Variants in GAREM1 observed in about 807,000 individuals in gnomAD.
GAREM1 encodes GRB2-associated and regulator of MAPK protein 1.
GAREM1 carries 26 observed loss-of-function variants against 71.3 expected under a neutral mutation model. That is an observed-to-expected ratio of 0.36 (90% CI 0.27 to 0.51). GAREM1 has a LOEUF of 0.51. GAREM1 is among the 20% of genes least tolerant of loss of function. The probability of loss-of-function intolerance (pLI) is 0.95; values close to 1 mark genes in which losing one functional copy is unlikely to be tolerated. For missense variants in GAREM1, 1,026 were observed against 1,103.1 expected (o/e 0.93, Z 0.99); for synonymous variants, 440 against 433.2 (o/e 1.02, Z -0.20).
intron 1 of GAREM1, chr18:32,413,221 G>A (rs2048437493): frequency 6.9e-6 from 11 of 1,605,788 alleles, no homozygotes; most frequent in Admixed American, 5.0e-5. Context: ...CTTCGGCGGC[G>A]TCCACGGGCA....
At chr18:32,403,706 G>T (rs1027088560) in intron 1 of GAREM1, among the ~76,000 whole-genome samples, 2 of 152,154 alleles carry the variant, frequency 1.3e-5, no homozygotes, top group Non-Finnish European at 2.9e-5. Context: ...CTCCCAAAGT[G>T]CTGGGATTAC....
At chr18:32,400,672 C>A (rs1178914819) in intron 1 of GAREM1, among the ~76,000 whole-genome samples, 1 of 152,128 alleles carries the variant, frequency 6.6e-6, no homozygotes, top group Non-Finnish European at 1.5e-5. Flanking sequence ...AGTCAGGAAA[C>A]AACAGGTGCT....
intron 1 of GAREM1, among the ~76,000 whole-genome samples, chr18:32,457,466 C>T: frequency 6.6e-6 from 1 of 151,988 alleles, no homozygotes; most frequent in East Asian, 1.9e-4. Flanking sequence ...AAGAAACTCT[C>T]CTCTGATAAC....
At position 32,450,314 on chromosome 18, in the gene GAREM1, T is replaced by C. The variant is rs77160595; in HGVS notation, c.121+19994A>G. Among the ~76,000 whole-genome samples the C allele has an allele frequency of 4.6e-5, 7 of 152,304 alleles. No individual in the cohort carries two copies. In the East Asian group the frequency reaches 1.4e-3, roughly 29 times the overall value. ...TAAGGGTACCTTTTAAATCCCTAAA[T>C]GCAAGTCAGCAATTCTGGAGTTTAA... On this transcript the variant is annotated intron_variant, in intron 1 of 5. Transcript: ENST00000269209.
chr18:32,379,722 G>A (rs539550640), intron 2 of GAREM1, among the ~76,000 whole-genome samples: 2 of 151,228 alleles, frequency 1.3e-5, no homozygotes, highest in Non-Finnish European at 1.5e-5. Context: ...AAAAAAAATC[G>A]TTGGGAATGG....
chr18:32,375,349 T>A (rs1485913147), intron 2 of GAREM1, among the ~76,000 whole-genome samples: 1 of 152,176 alleles, frequency 6.6e-6, no homozygotes, highest in South Asian at 2.1e-4. Context: ...TTGGTGAGGC[T>A]GTAAAACCTA....
chr18:32,337,531 G>A (rs1370751985), intron 2 of GAREM1, among the ~76,000 whole-genome samples: 3 of 152,132 alleles, frequency 2.0e-5, no homozygotes, highest in African/African-American at 4.8e-5. Context: ...TGAGGCTTAC[G>A]GCTTCCCATC....
At position 32,434,967 on chromosome 18, in the gene GAREM1, T is replaced by C. The variant is rs941851672; in HGVS notation, c.121+35341A>G. 5.1e-4 allele frequency among the ~76,000 whole-genome samples: 78 copies of C among 152,172 alleles called. 1 individual carries two copies. Among genetic ancestry groups the C allele is most frequent in the East Asian group, 1.9e-4 (1 of 5,200 alleles). Reference sequence around the variant, plus strand: ...TTAACATCACCAGTAATGAGCTATATTGACATCACGTATCCCTAACACAAT... The same window carrying C: ...TTAACATCACCAGTAATGAGCTATACTGACATCACGTATCCCTAACACAAT... On this transcript the variant is annotated intron_variant, in intron 1 of 5. Coordinates refer to ENST00000269209, the MANE Select transcript of GAREM1 (RefSeq NM_001242409.2).
At chr18:32,366,631 T>G (rs2047930770) in intron 2 of GAREM1, among the ~76,000 whole-genome samples, 1 of 152,250 alleles carries the variant, frequency 6.6e-6, no homozygotes, top group African/African-American at 2.4e-5. Context: ...TTTCCTCATC[T>G]ACTTTCACAA....
At chr18:32,448,971 T>C (rs1052131712) in intron 1 of GAREM1, among the ~76,000 whole-genome samples, 1 of 152,188 alleles carries the variant, frequency 6.6e-6, no homozygotes, top group Admixed American at 6.5e-5. Context: ...TCAATAAAGA[T>C]GATGGACAGA....
intron 4 of GAREM1, among the ~76,000 whole-genome samples, chr18:32,272,628 T>C (rs1299464085): frequency 7.5e-6 from 1 of 132,600 alleles, no homozygotes; most frequent in South Asian, 2.3e-4. Context: ...TTCTGGGGTC[T>C]TTTTTTTTTT....
chr18:32,329,357 C>A (rs138500450), intron 2 of GAREM1, among the ~76,000 whole-genome samples: 7 of 150,934 alleles, frequency 4.6e-5, no homozygotes, highest in Non-Finnish European at 8.8e-5. Flanking sequence ...GCTTGGGCAA[C>A]GGAGCAAGAA....
chr18:32,366,163 G>A (rs2047926978), intron 2 of GAREM1, among the ~76,000 whole-genome samples: 1 of 151,914 alleles, frequency 6.6e-6, no homozygotes, highest in Non-Finnish European at 1.5e-5. Flanking sequence ...CACACCCTAG[G>A]ACCCAGCAGA....
chr18:32,279,330 CTTCATCTGTATTTA>C (rs1303913418), intron 4 of GAREM1, among the ~76,000 whole-genome samples: 1 of 152,174 alleles, frequency 6.6e-6, no homozygotes, highest in Admixed American at 6.5e-5. Context: ...GCCAGTGAAG[CTTCATCTGTATTTA>C]CAGCTGCTCT....
At chr18:32,448,596 A>G (rs940473061) in intron 1 of GAREM1, among the ~76,000 whole-genome samples, 1 of 150,868 alleles carries the variant, frequency 6.6e-6, no homozygotes, top group African/African-American at 2.4e-5. Context: ...AGAAGGCTGG[A>G]GTTTCTTCAA....
intron 2 of GAREM1, among the ~76,000 whole-genome samples, chr18:32,379,803 C>G (rs983534757): frequency 7.9e-5 from 12 of 151,880 alleles, no homozygotes; most frequent in Non-Finnish European, 1.6e-4. Context: ...TAGGGAGTCC[C>G]AAATCTTGAC....
chr18:32,317,642 T>C (rs2047391954), intron 2 of GAREM1, among the ~76,000 whole-genome samples: 1 of 151,674 alleles, frequency 6.6e-6, no homozygotes, highest in African/African-American at 2.4e-5. Context: ...GCCTACATTT[T>C]CTCACTGTGT....
At chr18:32,319,873 C>T (rs1404474096) in intron 2 of GAREM1, among the ~76,000 whole-genome samples, 2 of 152,218 alleles carry the variant, frequency 1.3e-5, no homozygotes, top group Non-Finnish European at 2.9e-5. Context: ...ATTATTTCAT[C>T]CCATGCATAT....
intron 2 of GAREM1, among the ~76,000 whole-genome samples, chr18:32,324,726 A>C (rs1304126845): frequency 6.6e-6 from 1 of 152,248 alleles, no homozygotes; most frequent in Non-Finnish European, 1.5e-5. Flanking sequence ...CATTTTGTCA[A>C]GGTTAGAGAC....
Sources: allele counts gnomAD v4.1 joint callset (sites outside exome capture counted in the v4.1 genomes callset), GRCh38; gene constraint gnomAD v4.1.1; transcripts MANE v1.5; gene names NCBI Gene and HGNC (gene_info 2026-07-23, HGNC 2026-07-21).